The following FILIP1L variants were observed in gnomAD, a reference collection of about 807,000 sequenced individuals.
The protein encoded by FILIP1L is filamin A-interacting protein 1-like.
A neutral mutation model predicts 96.6 loss-of-function variants in FILIP1L; 55 were observed. The ratio of observed to expected loss-of-function variants is 0.57; its 90% CI spans 0.46 to 0.71. The LOEUF (loss-of-function observed/expected upper bound fraction) is 0.71. FILIP1L is among the 30% of genes least tolerant of loss of function. The probability of loss-of-function intolerance (pLI) is 0.00; values close to 1 mark genes in which losing one functional copy is unlikely to be tolerated. For synonymous variants in FILIP1L, 467 were observed against 473.9 expected (o/e 0.99, Z 0.19); for missense variants, 1,304 against 1,321.2 (o/e 0.99, Z 0.20).
intron 4 of FILIP1L, among the ~76,000 whole-genome samples, chr3:99,874,001 A>T (rs992826303): frequency 6.6e-6 from 1 of 152,240 alleles, no homozygotes; most frequent in Non-Finnish European, 1.5e-5. Flanking sequence ...GAAATTGCTC[A>T]TCCAAAGAGC....
intron 4 of FILIP1L, among the ~76,000 whole-genome samples, chr3:99,860,430 A>C (rs916873799): frequency 1.1e-4 from 17 of 152,168 alleles, no homozygotes; most frequent in Non-Finnish European, 2.2e-4. Flanking sequence ...AAATCCTCAA[A>C]TTGAGCACAA....
chr3:99,956,488 G>A (rs1708322684), intron 1 of FILIP1L, among the ~76,000 whole-genome samples: 1 of 152,156 alleles, frequency 6.6e-6, no homozygotes, highest in African/African-American at 2.4e-5. Context: ...TAGTAGCTGG[G>A]ATTACAGGCA....
At chr3:100,109,915 C>G (rs1408695584) in intron 1 of FILIP1L, 2 of 103,746 alleles carry the variant, frequency 1.9e-5, no homozygotes, top group African/African-American at 4.0e-5. Flanking sequence ...CCCCCCCCCC[C>G]AGCACCACCC....
intron 1 of FILIP1L, among the ~76,000 whole-genome samples, chr3:100,048,181 C>CGGAAG (rs2065308845): frequency 6.6e-6 from 1 of 152,218 alleles, no homozygotes; most frequent in Non-Finnish European, 1.5e-5. Context: ...GCTGAACAGC[C>CGGAAG]CTCAGGGAAG....
intron 1 of FILIP1L, among the ~76,000 whole-genome samples, chr3:99,945,934 C>T (rs1220057866): frequency 3.9e-5 from 6 of 152,228 alleles, no homozygotes; most frequent in Non-Finnish European, 1.5e-5. Context: ...GTGTCCACAG[C>T]GTGCAACTCA....
rs570520326 is a variant in FILIP1L at position 99,829,734 on chromosome 3, T to A, written c.*680A>T. Among the ~76,000 whole-genome samples, 66 of 152,330 alleles carry A rather than the reference T, an allele frequency of 4.3e-4. No homozygotes were observed. Among genetic ancestry groups the A allele is most frequent in the African/African-American group, 1.5e-3 (62 of 41,574 alleles). On this transcript the variant is annotated 3_prime_UTR_variant, in exon 6 of 6. Coordinates refer to ENST00000477258, the MANE Select transcript of FILIP1L (RefSeq NM_001387850.1). Reference sequence around the variant, plus strand: ...TCTGTATTTTTTCAAGCACCTGGAATATTGATTCATGTCTCCCTAAAATAT... The same window carrying A: ...TCTGTATTTTTTCAAGCACCTGGAAAATTGATTCATGTCTCCCTAAAATAT...
At chr3:99,943,626 C>T (rs1401293504) in intron 1 of FILIP1L, among the ~76,000 whole-genome samples, 1 of 152,062 alleles carries the variant, frequency 6.6e-6, no homozygotes, top group Non-Finnish European at 1.5e-5. Context: ...ATCGCTTGAA[C>T]CCGGGAGGTG....
chr3:99,941,624 C>T (rs1707853527), intron 1 of FILIP1L, among the ~76,000 whole-genome samples: 1 of 152,064 alleles, frequency 6.6e-6, no homozygotes, highest in Admixed American at 6.6e-5. Context: ...GATGAAACAA[C>T]CATGTATCCA....
chr3:99,905,539 G>A lies in FILIP1L; in HGVS notation c.605+18691C>T, dbSNP rs943192126. ...TAATCATTATTTCTCCATTTTTCTC[G>A]TTTATTGAGGTATAATTTATTTTTA... On this transcript the variant is annotated intron_variant, in intron 4 of 5. Coordinates refer to ENST00000477258, the MANE Select transcript of FILIP1L (RefSeq NM_001387850.1). 3.3e-5 allele frequency among the ~76,000 whole-genome samples: 5 copies of A among 151,954 alleles called. 1 individual carries two copies. Among genetic ancestry groups the A allele is most frequent in the African/African-American group, 9.7e-5 (4 of 41,354 alleles).
chr3:100,021,958 T>TGAGAGAGAGA (rs1466622023), intron 1 of FILIP1L, among the ~76,000 whole-genome samples: 2 of 94,880 alleles, frequency 2.1e-5, no homozygotes, highest in Non-Finnish European at 4.6e-5. Flanking sequence ...TGTGTGTGTG[T>TGAGAGAGAGA]GTGAGAGAGA....
chr3:100,074,150 G>A (rs1415867104), intron 1 of FILIP1L, among the ~76,000 whole-genome samples: 2 of 152,122 alleles, frequency 1.3e-5, no homozygotes, highest in Non-Finnish European at 2.9e-5. Flanking sequence ...GAGCTGATAC[G>A]CTGTTGTCAT....
chr3:100,045,069 G>A (rs1018544519), intron 1 of FILIP1L, among the ~76,000 whole-genome samples: 9 of 152,236 alleles, frequency 5.9e-5, no homozygotes, highest in Admixed American at 3.3e-4. Context: ...TATCCAAGGG[G>A]AGATGGTATG....
intron 1 of FILIP1L, among the ~76,000 whole-genome samples, chr3:99,943,007 A>G (rs1360522410): frequency 1.3e-5 from 2 of 152,138 alleles, no homozygotes; most frequent in Non-Finnish European, 2.9e-5. Context: ...AGGGGCAAAG[A>G]GCTGCTGTGA....
Position 99,872,309 on chromosome 3 carries a change from G to GTGTGTGTA in FILIP1L, c.606-21240_606-21239insTACACACA, listed in dbSNP as rs1944836089. 3.3e-5 allele frequency among the ~76,000 whole-genome samples: 5 copies of GTGTGTGTA among 151,624 alleles called. 1 individual carries two copies. In the South Asian group the frequency reaches 1.0e-3, roughly 32 times the overall value. On this transcript the variant is annotated intron_variant, in intron 4 of 5. Coordinates refer to ENST00000477258, the MANE Select transcript of FILIP1L (RefSeq NM_001387850.1). The stretch of plus-strand genomic sequence containing the variant: ...TGTGTGTGTGTGTGTGTGTGTGTGT[G>GTGTGTGTA]TGTGTGTGTGTGTGACTGTGGGGCC...
At chr3:100,090,052 A>G (rs1023418859) in intron 1 of FILIP1L, among the ~76,000 whole-genome samples, 3 of 152,166 alleles carry the variant, frequency 2.0e-5, no homozygotes, top group Admixed American at 6.5e-5. Flanking sequence ...AGCCACAGAA[A>G]ACTTCACTGA....
chr3:99,932,079 A>G (rs1035396160), intron 1 of FILIP1L, among the ~76,000 whole-genome samples: 1 of 152,194 alleles, frequency 6.6e-6, no homozygotes, highest in East Asian at 1.9e-4. Flanking sequence ...TACCACACAA[A>G]TTTATAAAAT....
chr3:100,070,546 T>G (rs192396490), intron 1 of FILIP1L, among the ~76,000 whole-genome samples: 142 of 152,358 alleles, frequency 9.3e-4, no homozygotes, highest in African/African-American at 3.2e-3. Flanking sequence ...AGTGGATGTA[T>G]GGGGTTGTAA....
chr3:100,035,847 C>A (rs1322668639), intron 1 of FILIP1L, among the ~76,000 whole-genome samples: 1 of 152,158 alleles, frequency 6.6e-6, no homozygotes, highest in African/African-American at 2.4e-5. Context: ...TTCCTTTCCC[C>A]CACATTGGAT....
intron 1 of FILIP1L, among the ~76,000 whole-genome samples, chr3:99,983,391 T>TAA (rs1249848576): frequency 0.011 from 181 of 16,048 alleles, 2 homozygotes; most frequent in African/African-American, 0.017. Flanking sequence ...AATAAATAAA[T>TAA]ATATATATAT....
Sources: allele counts gnomAD v4.1 joint callset (sites outside exome capture counted in the v4.1 genomes callset), GRCh38; gene constraint gnomAD v4.1.1; transcripts MANE v1.5; gene names NCBI Gene and HGNC (gene_info 2026-07-23, HGNC 2026-07-21).